Variants in WWOX observed in about 807,000 individuals in gnomAD.
WWOX encodes the protein WW domain-containing oxidoreductase.
In WWOX, 69 loss-of-function variants were observed where a neutral mutation model predicts 46.2. That is an observed-to-expected ratio of 1.49 (90% CI 1.23 to 1.82). The LOEUF is 1.82. Among genes scored for constraint, WWOX ranks in the 40% most tolerant of loss-of-function variants. The probability of loss-of-function intolerance (pLI) is 0.00; values close to 1 mark genes in which losing one functional copy is unlikely to be tolerated. For missense variants in WWOX, 919 were observed against 542.6 expected, an observed-to-expected ratio of 1.69 and a Z score of -6.89; for synonymous variants, 359 against 202.6, an observed-to-expected ratio of 1.77 and a Z score of -6.56.
At chr16:78,534,223 C>G (rs2043701055) in intron 8 of WWOX, among the ~76,000 whole-genome samples, 1 of 152,136 alleles carries the variant, frequency 6.6e-6, no homozygotes. Flanking sequence ...TTGTCAAATA[C>G]CAAACACAGG....
At chr16:78,686,334 AC>A (rs1420675664) in intron 8 of WWOX, among the ~76,000 whole-genome samples, 2 of 151,044 alleles carry the variant, frequency 1.3e-5, no homozygotes, top group Non-Finnish European at 3.0e-5. Flanking sequence ...AGTCGGTGAA[AC>A]CCCGCCTCTA....
chr16:78,109,106 A>C (rs187825057), intron 2 of WWOX, among the ~76,000 whole-genome samples: 1 of 152,332 alleles, frequency 6.6e-6, no homozygotes, highest in Admixed American at 6.5e-5. Context: ...TATACTATGG[A>C]ATTAAATATA....
At position 78,953,903 on chromosome 16, in the gene WWOX, C is replaced by T. The variant is rs117805278; in HGVS notation, c.1057-257705C>T. On this transcript the variant is annotated intron_variant, in intron 8 of 8. Transcript: ENST00000566780. ...ACTTTTCACTTGCTGCCTTATATTGCGTTTATTTTTATTAATTACTTCAGT... is the reference window on the plus strand; with the variant it reads ...ACTTTTCACTTGCTGCCTTATATTGTGTTTATTTTTATTAATTACTTCAGT... Among the ~76,000 whole-genome samples, 1,158 of 152,224 alleles carry T rather than the reference C, an allele frequency of 7.6e-3. 10 individuals carry two copies. The highest frequency in any genetic ancestry group is 0.014 in the Non-Finnish European group (956 of 68,020).
At position 78,271,785 on chromosome 16, in the gene WWOX, G is replaced by A. The variant is rs147227860; in HGVS notation, c.516+107496G>A. Reference sequence around the variant, plus strand: ...CTGGCGGAGAAGCAGTTGTAGCATCGTCCAGCCTTCTCTACCTAACAAGGG... The same window carrying A: ...CTGGCGGAGAAGCAGTTGTAGCATCATCCAGCCTTCTCTACCTAACAAGGG... On this transcript the variant is annotated intron_variant, in intron 5 of 8. Transcript: ENST00000566780. 1.9e-4 allele frequency among the ~76,000 whole-genome samples: 29 copies of A among 152,304 alleles called. No homozygotes were observed. The East Asian group carries it at 2.3e-3, about 12-fold the overall frequency.
chr16:78,294,581 A>G (rs954122646), intron 5 of WWOX, among the ~76,000 whole-genome samples: 2 of 152,014 alleles, frequency 1.3e-5, no homozygotes, highest in Non-Finnish European at 2.9e-5. Flanking sequence ...ATAATTATCT[A>G]TTTGTGTGTG....
intron 8 of WWOX, among the ~76,000 whole-genome samples, chr16:78,590,385 C>G (rs2045323876): frequency 1.3e-5 from 2 of 152,066 alleles, no homozygotes; most frequent in Admixed American, 1.3e-4. Flanking sequence ...TTAAGGAAGA[C>G]AGATCCAAGA....
chr16:78,108,472 A>C lies in WWOX; in HGVS notation c.157A>C (p.Lys53Gln). Residue 53 changes from lysine to glutamine, a missense_variant, in exon 2 of 9, where the codon AAA (lysine) becomes CAA (glutamine). Transcript: ENST00000566780. Reference sequence around the variant, plus strand: ...GGAACATCCAAAAACTGGAAAAAGAAAACGAGTGGCAGGAGGTTTGTATGT... The same window carrying C: ...GGAACATCCAAAAACTGGAAAAAGACAACGAGTGGCAGGAGGTTTGTATGT... ...QWEHPKTGKR[K>Q]RVAGDLPYGW... 6.2e-7 allele frequency: 1 copy of C among 1,614,066 alleles called. No individual in the cohort carries two copies. The highest frequency in any genetic ancestry group is 2.2e-5 in the East Asian group (1 of 44,882).
intron 8 of WWOX, among the ~76,000 whole-genome samples, chr16:78,999,499 T>C (rs2047053187): frequency 1.3e-5 from 2 of 152,148 alleles, no homozygotes; most frequent in African/African-American, 2.4e-5. Context: ...GCATCACTTA[T>C]GCTCTTGATG....
intron 5 of WWOX, among the ~76,000 whole-genome samples, chr16:78,232,469 C>T (rs1409479749): frequency 6.6e-6 from 1 of 152,282 alleles, no homozygotes; most frequent in South Asian, 2.1e-4. Context: ...ATCAGGGGCT[C>T]ACAACCAGGG....
intron 8 of WWOX, among the ~76,000 whole-genome samples, chr16:78,472,145 T>G (rs748699793): frequency 1.3e-5 from 2 of 152,148 alleles, no homozygotes; most frequent in Non-Finnish European, 1.5e-5. Flanking sequence ...AGTAACACAG[T>G]AAATACCTAT....
chr16:78,763,749 C>T (rs559502855), intron 8 of WWOX, among the ~76,000 whole-genome samples: 1 of 152,174 alleles, frequency 6.6e-6, no homozygotes, highest in African/African-American at 2.4e-5. Flanking sequence ...TTTGATTCTT[C>T]TTTTCACCCA....
At chr16:78,922,253 C>G (rs893464332) in intron 8 of WWOX, among the ~76,000 whole-genome samples, 5 of 152,170 alleles carry the variant, frequency 3.3e-5, no homozygotes, top group South Asian at 2.1e-4. Flanking sequence ...CATCTGCAAC[C>G]TAAGGTTACA....
At chr16:78,583,656 G>C (rs2045118699) in intron 8 of WWOX, among the ~76,000 whole-genome samples, 1 of 152,160 alleles carries the variant, frequency 6.6e-6, no homozygotes, top group South Asian at 2.1e-4. Flanking sequence ...TGCTTTCAAT[G>C]TCAAGCCATC....
intron 8 of WWOX, among the ~76,000 whole-genome samples, chr16:78,434,114 A>T (rs1002269125): frequency 6.6e-6 from 1 of 152,174 alleles, no homozygotes; most frequent in Non-Finnish European, 1.5e-5. Context: ...AAACCACATC[A>T]AAAGTCTTTT....
At position 78,561,913 on chromosome 16, in the gene WWOX, T is replaced by C. The variant is rs572083571; in HGVS notation, c.1056+129161T>C. The stretch of plus-strand genomic sequence containing the variant: ...GCAACTCATTATCTTCTCTGTGCCT[T>C]AACGTCTCTATCTAATTTCCCATTA... On this transcript the variant is annotated intron_variant, in intron 8 of 8. Coordinates refer to ENST00000566780, the MANE Select transcript of WWOX (RefSeq NM_016373.4). 3.0e-3 allele frequency among the ~76,000 whole-genome samples: 455 copies of C among 152,316 alleles called. 3 individuals carry two copies. The highest frequency in any genetic ancestry group is 0.01 in the African/African-American group (430 of 41,558).
At chr16:78,816,096 C>G (rs1032964004) in intron 8 of WWOX, among the ~76,000 whole-genome samples, 3 of 152,128 alleles carry the variant, frequency 2.0e-5, no homozygotes, top group African/African-American at 4.8e-5. Flanking sequence ...TCCCCTCTGC[C>G]TTAATGTGAA....
At position 78,940,224 on chromosome 16, in the gene WWOX, G is replaced by A. The variant is rs886709740; in HGVS notation, c.1057-271384G>A. Among the ~76,000 whole-genome samples, 10 of 152,300 alleles carry A rather than the reference G, an allele frequency of 6.6e-5. No individual in the cohort carries two copies. In the South Asian group the frequency reaches 2.1e-3, roughly 32 times the overall value. ...CATTATAAATTCGAGTAACAGAAAT[G>A]TTTGTGTGTAGAAATAGAATACGGA... On this transcript the variant is annotated intron_variant, in intron 8 of 8. Coordinates refer to ENST00000566780, the MANE Select transcript of WWOX (RefSeq NM_016373.4).
At chr16:78,740,757 C>A (rs1466107051) in intron 8 of WWOX, among the ~76,000 whole-genome samples, 1 of 152,002 alleles carries the variant, frequency 6.6e-6, no homozygotes, top group South Asian at 2.1e-4. Context: ...GCAGGTCCAC[C>A]CTGGTGGATA....
chr16:78,821,303 G>A (rs2051486123), intron 8 of WWOX, among the ~76,000 whole-genome samples: 1 of 152,138 alleles, frequency 6.6e-6, no homozygotes, highest in Non-Finnish European at 1.5e-5. Flanking sequence ...AGGTTACACA[G>A]CTAGTTATGA....
Sources: gnomAD v4.1 joint callset for allele counts (sites outside exome capture counted in the v4.1 genomes callset) on GRCh38, gnomAD v4.1.1 for gene constraint, MANE v1.5 for transcripts, NCBI Gene and HGNC (gene_info 2026-07-23, HGNC 2026-07-21) for gene names.